Variants in UBTD1 observed in about 807,000 individuals in gnomAD.
UBTD1 encodes the protein ubiquitin domain containing 1, also known as ubiquitin domain-containing protein 1.
In UBTD1, 19 loss-of-function variants were observed where a neutral mutation model predicts 21.7. The observed-to-expected ratio is 0.87, with a 90% CI of 0.61 to 1.28. UBTD1 has a LOEUF of 1.28. Ranked by LOEUF, UBTD1 falls within the 50% of genes most tolerant of loss-of-function variation. The pLI is 0.00. For synonymous variants in UBTD1, 116 were observed against 135.1 expected (o/e 0.86, Z 0.98); for missense variants, 282 against 315.1 (o/e 0.89, Z 0.80).
At chr10:97,504,636 A>G (rs1297324776) in intron 1 of UBTD1, among the ~76,000 whole-genome samples, 9 of 152,070 alleles carry the variant, frequency 5.9e-5, no homozygotes, top group Non-Finnish European at 1.3e-4. Context: ...CCCTTGCTCC[A>G]TGTTGTCAGA....
In UBTD1 at chr10:97,570,448, G is replaced by A. The variant is rs1343003460; in HGVS notation, c.609G>A (p.Arg203=). The A allele has an allele frequency of 6.2e-7, 1 of 1,613,058 alleles. No homozygotes were observed. The highest frequency in any genetic ancestry group is 8.5e-7 in the Non-Finnish European group (1 of 1,179,824). The change falls in exon 3 of 3, where the codon CGG becomes CGA. Residue 203 remains arginine, a synonymous_variant. Coordinates refer to ENST00000370664, the MANE Select transcript of UBTD1 (RefSeq NM_024954.5). This position sits in a 1 kb window ranked among gnomAD's most constrained non-coding sequence, Gnocchi z 6.6. ...GGAAGCTGCTCACAGACCGCACACG[G>A]CTCCAGGAGACCAAGATCCAGAAAG... The part of the protein sequence containing the change: ...FSGKLLTDRT[R]LQETKIQKDF...
chr10:97,570,459 C>T lies in UBTD1; in HGVS notation c.620C>T (p.Thr207Ile), dbSNP rs760486692. 5 of 1,612,646 alleles carry T rather than the reference C, an allele frequency of 3.1e-6. No homozygotes were observed. The South Asian group carries it at 4.4e-5, about 14-fold the overall frequency. Residue 207 changes from threonine (T) to isoleucine (I), a missense_variant, in exon 3 of 3, where the codon ACC becomes ATC. Thr to Ile is a moderately conservative substitution (Grantham distance 89). Transcript: ENST00000370664. The surrounding 1 kb of genome is among the most constrained non-coding windows in gnomAD (Gnocchi z 6.6). ...LLTDRTRLQE[T>I]KIQKDFVIQV... Reference sequence around the variant, plus strand: ...ACAGACCGCACACGGCTCCAGGAGACCAAGATCCAGAAAGATTTTGTCATC... The same window carrying T: ...ACAGACCGCACACGGCTCCAGGAGATCAAGATCCAGAAAGATTTTGTCATC...
intron 1 of UBTD1, among the ~76,000 whole-genome samples, chr10:97,533,671 C>T (rs1318412561): frequency 6.6e-6 from 1 of 152,066 alleles, no homozygotes; most frequent in African/African-American, 2.4e-5. Context: ...ACCCTGTAAT[C>T]CCAGCACTTT....
intron 1 of UBTD1, among the ~76,000 whole-genome samples, chr10:97,551,731 C>T (rs1215971897): frequency 6.6e-6 from 1 of 152,160 alleles, no homozygotes; most frequent in Admixed American, 6.5e-5. Flanking sequence ...TTTTCCATGG[C>T]TGCACCCCAG....
At position 97,570,207 on chromosome 10, in the gene UBTD1, C is replaced by T. The variant is rs146047099; in HGVS notation, c.368C>T (p.Pro123Leu). 13 of 1,613,212 alleles carry T rather than the reference C, an allele frequency of 8.1e-6. No homozygotes were observed. Among genetic ancestry groups the T allele is most frequent in the East Asian group, 4.5e-5 (2 of 44,880 alleles). Residue 123 changes from proline to leucine, a missense_variant, in exon 3 of 3, where the codon CCG becomes CTG. Transcript: ENST00000370664. This position sits in a 1 kb window ranked among gnomAD's most constrained non-coding sequence, Gnocchi z 6.6. ...YQLPIYCLSP[P>L]VNLLLEHTEE... ...CTGCCCATCTACTGCCTGTCACCGC[C>T]GGTGAACCTGCTGCTGGAGCACACG...
At chr10:97,543,811 CG>C (rs1564741539) in intron 1 of UBTD1, among the ~76,000 whole-genome samples, 1 of 152,140 alleles carries the variant, frequency 6.6e-6, no homozygotes, top group Non-Finnish European at 1.5e-5. Context: ...ATGAAAATTA[CG>C]GGGTCTTTTC....
intron 1 of UBTD1, among the ~76,000 whole-genome samples, chr10:97,520,784 A>G (rs1472710354): frequency 6.6e-6 from 1 of 152,136 alleles, no homozygotes; most frequent in Non-Finnish European, 1.5e-5. Context: ...GAAATAAGCA[A>G]GTGGCCACCC....
intron 1 of UBTD1, among the ~76,000 whole-genome samples, chr10:97,528,892 G>T (rs531549681): frequency 0.011 from 1,592 of 147,888 alleles, 28 homozygotes; most frequent in African/African-American, 0.038. Context: ...CTGGCCGGGT[G>T]GGGGGCTGAC....
At chr10:97,543,835 G>A (rs775958820) in intron 1 of UBTD1, among the ~76,000 whole-genome samples, 1 of 152,200 alleles carries the variant, frequency 6.6e-6, no homozygotes. Context: ...CCTCCAGCCC[G>A]AACAGTTGTG....
chr10:97,569,528 C>T (rs2040734657), intron 2 of UBTD1, among the ~76,000 whole-genome samples: 1 of 152,178 alleles, frequency 6.6e-6, no homozygotes, highest in African/African-American at 2.4e-5. Context: ...TCAGGCTGTC[C>T]TAGGGAGATC....
chr10:97,535,633 GA>G (rs928441716), intron 1 of UBTD1, among the ~76,000 whole-genome samples: 1 of 151,272 alleles, frequency 6.6e-6, no homozygotes, highest in Non-Finnish European at 1.5e-5. Flanking sequence ...AAAAGAAAAA[GA>G]AAAAAAAATT....
chr10:97,529,144 G>A (rs1286189153), intron 1 of UBTD1, among the ~76,000 whole-genome samples: 1 of 150,770 alleles, frequency 6.6e-6, no homozygotes, highest in Non-Finnish European at 1.5e-5. Context: ...GGGCAGAGGC[G>A]CTCCCCACAT....
intron 1 of UBTD1, among the ~76,000 whole-genome samples, chr10:97,555,370 G>A (rs1355939036): frequency 6.6e-6 from 1 of 152,100 alleles, no homozygotes; most frequent in East Asian, 1.9e-4. Context: ...TCTCCTTTCT[G>A]TCCCTCATAT....
At chr10:97,514,755 G>A (rs745889904) in intron 1 of UBTD1, among the ~76,000 whole-genome samples, 1 of 152,138 alleles carries the variant, frequency 6.6e-6, no homozygotes, top group Non-Finnish European at 1.5e-5. Flanking sequence ...ATTTTGCACC[G>A]TTTTTCAAAG....
chr10:97,548,938 G>A (rs911270195), intron 1 of UBTD1, among the ~76,000 whole-genome samples: 5 of 152,216 alleles, frequency 3.3e-5, no homozygotes, highest in Non-Finnish European at 5.9e-5. Flanking sequence ...CCGGCCAGAT[G>A]TGGCCAGGGC....
chr10:97,506,791 T>C (rs998266819), intron 1 of UBTD1, among the ~76,000 whole-genome samples: 15 of 152,356 alleles, frequency 9.8e-5, no homozygotes, highest in Admixed American at 8.5e-4. Flanking sequence ...CTTGTTTCAC[T>C]TAGCATAATG....
Position 97,543,787 on chromosome 10 carries a change from A to C in UBTD1, c.71-24127A>C, listed in dbSNP as rs1227405534. On this transcript the variant is annotated intron_variant, in intron 1 of 2. Transcript: ENST00000370664. Reference sequence around the variant, plus strand: ...AGAATTAGGAACCACAACCAGGGTGAAAATTATGTAATTATGAAAATTACG... The same window carrying C: ...AGAATTAGGAACCACAACCAGGGTGCAAATTATGTAATTATGAAAATTACG... Among the ~76,000 whole-genome samples the C allele has an allele frequency of 2.0e-5, 3 of 152,218 alleles. No homozygotes were observed. In the East Asian group the frequency reaches 5.8e-4, roughly 29 times the overall value.
intron 1 of UBTD1, among the ~76,000 whole-genome samples, chr10:97,527,243 T>C (rs1762048971): frequency 6.7e-6 from 1 of 149,010 alleles, no homozygotes; most frequent in Non-Finnish European, 1.5e-5. Flanking sequence ...CCCATATGCG[T>C]TGGGAGGCCA....
At chr10:97,525,101 C>G (rs1436942850) in intron 1 of UBTD1, among the ~76,000 whole-genome samples, 1 of 152,246 alleles carries the variant, frequency 6.6e-6, no homozygotes, top group Non-Finnish European at 1.5e-5. Flanking sequence ...TGTGCCCACA[C>G]TCTTTGGCAA....
Sources: allele counts gnomAD v4.1 joint callset (sites outside exome capture counted in the v4.1 genomes callset), GRCh38; gene constraint gnomAD v4.1.1; non-coding constraint Gnocchi (gnomAD v3.1); transcripts MANE v1.5; gene names NCBI Gene and HGNC (gene_info 2026-07-23, HGNC 2026-07-21).